The following MIDEAS variants were observed in gnomAD, a reference collection of about 807,000 sequenced individuals.
MIDEAS encodes the protein mitotic deacetylase-associated SANT domain protein.
Under a neutral mutation model 102.7 loss-of-function variants are expected in MIDEAS, and 26 were observed. The ratio of observed to expected loss-of-function variants is 0.25; its 90% CI spans 0.19 to 0.35. The LOEUF is 0.35. Among genes scored for constraint, MIDEAS ranks in the 10% least tolerant of loss-of-function variants. MIDEAS has a pLI of 1.00. For missense variants in MIDEAS, 1,231 were observed against 1,435.6 expected (o/e 0.86, Z 2.30); for synonymous variants, 585 against 591.0 (o/e 0.99, Z 0.15).
Position 73,726,678 on chromosome 14 carries a change from T to C in MIDEAS, c.2335A>G (p.Ser779Gly). Reference sequence around the variant, plus strand: ...TTGGTGCCAGCACCAGGGAAAATGCTGGAGCAGGCGGCTGTCAGCAGGTCT... The same window carrying C: ...TTGGTGCCAGCACCAGGGAAAATGCCGGAGCAGGCGGCTGTCAGCAGGTCT... ...VEDLLTAACSSIFPGAGTNQE... is the reference protein window; with the variant it reads ...VEDLLTAACSGIFPGAGTNQE... The change falls in exon 7 of 13, where the codon AGC (serine) becomes GGC (glycine). Residue 779 changes from serine (S) to glycine (G), a missense_variant. Transcript: ENST00000423556. 3 of 1,614,236 alleles carry C rather than the reference T, an allele frequency of 1.9e-6. No homozygotes were observed. Among genetic ancestry groups the C allele is most frequent in the Non-Finnish European group, 2.5e-6 (3 of 1,180,028 alleles).
chr14:73,764,366 A>G (rs2053577552), upstream of MIDEAS, among the ~76,000 whole-genome samples: 1 of 151,244 alleles, frequency 6.6e-6, no homozygotes. Context: ...AAAAAAAACA[A>G]AACAAAACAA....
chr14:73,738,435 T>G, intron 2 of MIDEAS, 125 bp downstream of exon 2: 2 of 1,211,556 alleles, frequency 1.7e-6, no homozygotes, highest in Non-Finnish European at 2.2e-6. Flanking sequence ...TTTGTACTGT[T>G]TTCCCACAGG....
intron 1 of MIDEAS, among the ~76,000 whole-genome samples, chr14:73,782,261 C>CA (rs1306495676): frequency 6.6e-6 from 1 of 152,146 alleles, no homozygotes; most frequent in East Asian, 1.9e-4. Context: ...CCCCAAAACT[C>CA]AGTTTTATAG....
chr14:73,784,508 C>G (rs1566613925), intron 1 of MIDEAS, among the ~76,000 whole-genome samples: 1 of 152,224 alleles, frequency 6.6e-6, no homozygotes, highest in East Asian at 1.9e-4. Context: ...CAGCTACACT[C>G]TGGAGGGCTT....
At chr14:73,752,256 A>T (rs1191334823) in intron 1 of MIDEAS, among the ~76,000 whole-genome samples, 1 of 152,238 alleles carries the variant, frequency 6.6e-6, no homozygotes, top group South Asian at 2.1e-4. Context: ...TGACCTGCCT[A>T]AGGACACATG....
chr14:73,718,664 C>T lies in MIDEAS; in HGVS notation c.*179G>A, dbSNP rs1391677160. On this transcript the variant is annotated 3_prime_UTR_variant, in exon 13 of 13. Coordinates refer to ENST00000423556, the MANE Select transcript of MIDEAS (RefSeq NM_001367710.1). Reference sequence around the variant, plus strand: ...GAGCTGGATCCTGGAGCCCTTAACGCTGCTCCCAGGGCCTTCATAAATAAA... The same window carrying T: ...GAGCTGGATCCTGGAGCCCTTAACGTTGCTCCCAGGGCCTTCATAAATAAA... 5.2e-6 allele frequency: 3 copies of T among 575,450 alleles called. No homozygotes were observed. The highest frequency in any genetic ancestry group is 7.9e-6 in the Non-Finnish European group (3 of 377,538). 35.6% of individuals were successfully genotyped at this position (575,450 alleles called of 1,614,324 possible).
chr14:73,723,143 A>AT (rs557137573), intron 9 of MIDEAS: 443 of 199,584 alleles, frequency 2.2e-3, no homozygotes, highest in Non-Finnish European at 3.4e-3. Context: ...GCATTACTGT[A>AT]TTTTTTTTTC....
At chr14:73,734,225 C>T (rs2053174857) in intron 3 of MIDEAS, among the ~76,000 whole-genome samples, 1 of 152,054 alleles carries the variant, frequency 6.6e-6, no homozygotes, top group Non-Finnish European at 1.5e-5. Flanking sequence ...CCTCGTGATC[C>T]GCCCACCATG....
intron 1 of MIDEAS, among the ~76,000 whole-genome samples, chr14:73,774,218 G>C (rs559206221): frequency 1.3e-5 from 2 of 151,588 alleles, no homozygotes; most frequent in Admixed American, 1.3e-4. Flanking sequence ...AGGAATTTTC[G>C]AACAGGAAAG....
upstream of MIDEAS, chr14:73,790,267 C>A (rs2053856676): frequency 6.6e-6 from 1 of 152,190 alleles, no homozygotes; most frequent in African/African-American, 2.4e-5. Flanking sequence ...CCATCCCTGA[C>A]CAGGGCAGGA....
chr14:73,729,633 C>G lies in MIDEAS; in HGVS notation c.2095+7G>C, dbSNP rs760294321. ...TCCTGCCAGGGTCGCGGAGGGAGGT[C>G]ACTCACTAGTCCGGAGCAGCGTGCG... On this transcript the variant is annotated splice_region_variant and intron_variant, in intron 4 of 12. Transcript: ENST00000423556. The G allele has an allele frequency of 6.3e-7, 1 of 1,593,090 alleles. No individual in the cohort carries two copies. Among genetic ancestry groups the G allele is most frequent in the South Asian group, 1.1e-5 (1 of 89,062 alleles).
At chr14:73,771,063 C>G (rs1025781432) in intron 1 of MIDEAS, among the ~76,000 whole-genome samples, 1 of 152,136 alleles carries the variant, frequency 6.6e-6, no homozygotes, top group Non-Finnish European at 1.5e-5. Flanking sequence ...CCTCCAAACA[C>G]ACACACACAC....
Position 73,739,476 on chromosome 14 carries a change from T to C in MIDEAS, c.533A>G (p.Tyr178Cys), listed in dbSNP as rs35082966. The change falls in exon 2 of 13, where the codon TAT (tyrosine) becomes TGT (cysteine). Residue 178 changes from tyrosine to cysteine, a missense_variant. Physicochemically the swap from Tyr to Cys is radical, Grantham distance 194. Coordinates refer to ENST00000423556, the MANE Select transcript of MIDEAS (RefSeq NM_001367710.1). ...EKAGGPQLDRYVRPMMPQKVQ... is the reference protein window; with the variant it reads ...EKAGGPQLDRCVRPMMPQKVQ... The stretch of plus-strand genomic sequence containing the variant: ...CTTCTGTGGCATCATTGGTCGCACA[T>C]AGCGGTCCAGCTGTGGGCCCCCCGC... The C allele has an allele frequency of 1.0e-4, 167 of 1,609,362 alleles. No individual in the cohort carries two copies. Among genetic ancestry groups the C allele is most frequent in the Middle Eastern group, 1.7e-4 (1 of 6,040 alleles).
intron 2 of MIDEAS, 144 bp from the exon 3 acceptor site, chr14:73,737,441 T>G: frequency 1.1e-6 from 1 of 895,136 alleles, no homozygotes; most frequent in Non-Finnish European, 1.7e-6. Flanking sequence ...CTGGGCAACA[T>G]AGTGACACCT....
chr14:73,733,103 G>T (rs1459064895), intron 3 of MIDEAS, among the ~76,000 whole-genome samples: 1 of 151,714 alleles, frequency 6.6e-6, no homozygotes, highest in Non-Finnish European at 1.5e-5. Context: ...AAAAAAAAAA[G>T]AAAATAAAAA....
At chr14:73,733,173 G>A (rs566116354) in intron 3 of MIDEAS, among the ~76,000 whole-genome samples, 1 of 152,336 alleles carries the variant, frequency 6.6e-6, no homozygotes, top group Admixed American at 6.5e-5. Flanking sequence ...CCAGGCTTTG[G>A]ATTGGGACTC....
At position 73,737,195 on chromosome 14, in the gene MIDEAS, C is replaced by T; in HGVS notation, c.1552G>A (p.Glu518Lys). The change falls in exon 3 of 13, where the codon GAA becomes AAA. Residue 518 changes from glutamate (E) to lysine (K), a missense_variant. Physicochemically the swap from Glu to Lys is moderately conservative, Grantham distance 56. This residue lies in a region of MIDEAS where 758 missense variants were observed against 856.0 expected (regional missense o/e 0.89). Coordinates refer to ENST00000423556, the MANE Select transcript of MIDEAS (RefSeq NM_001367710.1). ...ATGAGGGGTACCATCCCACTGTCTT[C>T]TCGTGCTCGCTTGGTGGCTAAGGAA... ...EPSLATKRAR[E>K]DSGMVPLIIP... The T allele has an allele frequency of 3.1e-6, 5 of 1,614,202 alleles. No homozygotes were observed. The highest frequency in any genetic ancestry group is 4.2e-6 in the Non-Finnish European group (5 of 1,180,028).
At chr14:73,775,753 G>A (rs1010458303) in intron 1 of MIDEAS, among the ~76,000 whole-genome samples, 1 of 152,064 alleles carries the variant, frequency 6.6e-6, no homozygotes, top group South Asian at 2.1e-4. Flanking sequence ...CAGTCAAGGT[G>A]CCCTTGCTTC....
chr14:73,730,268 T>C, intron 3 of MIDEAS: 1 of 578,398 alleles, frequency 1.7e-6, no homozygotes, highest in Non-Finnish European at 3.2e-6. Flanking sequence ...TTTTTCTTTT[T>C]AAAACTAACT....
Sources: allele counts gnomAD v4.1 joint callset (sites outside exome capture counted in the v4.1 genomes callset), GRCh38; gene constraint gnomAD v4.1.1; regional missense constraint gnomAD v4.1.1; transcripts MANE v1.5; gene names NCBI Gene and HGNC (gene_info 2026-07-23, HGNC 2026-07-21).